Variants in LDHB observed in about 807,000 individuals in gnomAD.
LDHB encodes the protein lactate dehydrogenase B, also known as L-lactate dehydrogenase B chain.
A neutral mutation model predicts 33.4 loss-of-function variants in LDHB; 18 were observed. That is an observed-to-expected ratio of 0.54 (90% CI 0.37 to 0.80). LDHB has a LOEUF of 0.80. LDHB is among the 30% of genes least tolerant of loss of function. LDHB has a pLI of 0.00. For missense variants in LDHB, 345 were observed against 407.9 expected (o/e 0.85, Z 1.33); for synonymous variants, 121 against 140.6 (o/e 0.86, Z 0.98).
intron 1 of LDHB, among the ~76,000 whole-genome samples, chr12:21,656,297 A>C (rs1938843491): frequency 6.6e-6 from 1 of 152,224 alleles, no homozygotes; most frequent in South Asian, 2.1e-4. Context: ...TTTACAGATC[A>C]CATTTACAGT....
chr12:21,644,597 G>T (rs970499262), intron 3 of LDHB, among the ~76,000 whole-genome samples: 29 of 152,040 alleles, frequency 1.9e-4, no homozygotes, highest in African/African-American at 6.5e-4. Context: ...GCTTTTTAGC[G>T]CTGCAAGTTT....
At chr12:21,644,982 G>C (rs573693635) in intron 3 of LDHB, among the ~76,000 whole-genome samples, 23 of 152,266 alleles carry the variant, frequency 1.5e-4, no homozygotes, top group African/African-American at 5.5e-4. Context: ...TACTGTGTCT[G>C]TGTAGAAAGA....
At chr12:21,635,765 C>T in intron 7 of LDHB, 56 bp from the exon 8 acceptor site, 1 of 1,536,184 alleles carries the variant, frequency 6.5e-7, no homozygotes, top group South Asian at 1.1e-5. Flanking sequence ...TAAAAATGAT[C>T]AAAGACAGGA....
chr12:21,656,824 C>T (rs1236933610), intron 1 of LDHB, among the ~76,000 whole-genome samples: 1 of 152,110 alleles, frequency 6.6e-6, no homozygotes, highest in Non-Finnish European at 1.5e-5. Context: ...AGTCTTGGTC[C>T]CTTATGTCTC....
chr12:21,649,947 C>A (rs568419594), intron 2 of LDHB, among the ~76,000 whole-genome samples: 355 of 152,132 alleles, frequency 2.3e-3, no homozygotes, highest in African/African-American at 8.2e-3. Flanking sequence ...CAAAAATTAG[C>A]CGGGCATGGT....
chr12:21,641,983 T>C lies in LDHB; in HGVS notation c.564A>G (p.Gly188=). The stretch of plus-strand genomic sequence containing the variant: ...AGTCGCCATGTTCCCCCAAAATCCA[T>C]CCATGGCAGCTGCTGGGATGAATGC... The part of the protein sequence containing the change: ...KLGIHPSSCH[G]WILGEHGDSS... The change falls in exon 5 of 8, where the codon GGA becomes GGG. Residue 188 remains glycine (G), a synonymous_variant. Transcript: ENST00000350669. The C allele has an allele frequency of 6.2e-7, 1 of 1,613,476 alleles. No individual in the cohort carries two copies. The highest frequency in any genetic ancestry group is 8.5e-7 in the Non-Finnish European group (1 of 1,179,650).
chr12:21,650,105 TACACAC>T (rs765877721), intron 2 of LDHB, among the ~76,000 whole-genome samples: 3 of 31,008 alleles, frequency 9.7e-5, no homozygotes, highest in African/African-American at 2.3e-4. Context: ...AGAAAAAAAA[TACACAC>T]ACACACACAC....
At chr12:21,650,505 A>T (rs1938658425) in intron 2 of LDHB, among the ~76,000 whole-genome samples, 1 of 152,190 alleles carries the variant, frequency 6.6e-6, no homozygotes, top group Non-Finnish European at 1.5e-5. Context: ...ACTGAAGCAA[A>T]GATAAACACT....
At position 21,650,111 on chromosome 12, in the gene LDHB, C is replaced by T. The variant is rs1272871420; in HGVS notation, c.130-3095G>A. ...TCTCTCAAGAGAAAAAAAATACACACACACACACACACACACACACACACA... is the reference window on the plus strand; with the variant it reads ...TCTCTCAAGAGAAAAAAAATACACATACACACACACACACACACACACACA... On this transcript the variant is annotated intron_variant, in intron 2 of 7. Transcript: ENST00000350669. Among the ~76,000 whole-genome samples the T allele has an allele frequency of 3.1e-3, 196 of 62,830 alleles. 3 individuals carry two copies. Among genetic ancestry groups the T allele is most frequent in the African/African-American group, 8.7e-3 (161 of 18,562 alleles). The allele number at this position is 62,830 out of a possible 152,430, so 41.2% of individuals were successfully genotyped here.
chr12:21,635,895 GA>G (rs1169608251), intron 7 of LDHB, among the ~76,000 whole-genome samples, 186 bp from the exon 8 acceptor site: 1 of 152,050 alleles, frequency 6.6e-6, no homozygotes, highest in Non-Finnish European at 1.5e-5. Context: ...GGGGAAAAAA[GA>G]GAATAATCAA....
chr12:21,635,467 G>T lies in LDHB; in HGVS notation c.*75C>A. The stretch of plus-strand genomic sequence containing the variant: ...AAGATCAAAGCAAACTGTGATCCAT[G>T]TACATGGATGAAAACTAAAGGCTCG... On this transcript the variant is annotated 3_prime_UTR_variant, in exon 8 of 8. Coordinates refer to ENST00000350669, the MANE Select transcript of LDHB (RefSeq NM_002300.8). 8.2e-7 allele frequency: 1 copy of T among 1,212,736 alleles called. No individual in the cohort carries two copies. Among genetic ancestry groups the T allele is most frequent in the Non-Finnish European group, 1.2e-6 (1 of 816,566 alleles). The allele number at this position is 1,212,736 out of a possible 1,614,324, so 75.1% of individuals were successfully genotyped here. A position where few individuals can be genotyped will look rare whatever the true frequency, so the allele number is the denominator to read the frequency against.
intron 3 of LDHB, 95 bp downstream of exon 3, chr12:21,646,804 T>G (rs1938538925): frequency 3.8e-6 from 3 of 785,154 alleles, no homozygotes; most frequent in East Asian, 4.9e-5. Flanking sequence ...CTTTCCTACT[T>G]ACAAATAAAT....
At chr12:21,650,662 G>C (rs529180598) in intron 2 of LDHB, among the ~76,000 whole-genome samples, 1 of 152,324 alleles carries the variant, frequency 6.6e-6, no homozygotes, top group East Asian at 1.9e-4. Context: ...TGGGATAAAA[G>C]TAAAGTCTGG....
chr12:21,653,489 G>C (rs1026408357), intron 2 of LDHB, among the ~76,000 whole-genome samples: 7 of 152,134 alleles, frequency 4.6e-5, no homozygotes, highest in Non-Finnish European at 1.0e-4. Flanking sequence ...GTTGGGGACT[G>C]CTGCTCTAAA....
At chr12:21,657,292 C>G (rs1384555694) in intron 1 of LDHB, 1 of 152,230 alleles carries the variant, frequency 6.6e-6, no homozygotes, top group East Asian at 1.9e-4. Flanking sequence ...TTCTCCTCAT[C>G]CCAGCGAGTG....
chr12:21,649,324 A>G (rs1385014253), intron 2 of LDHB, among the ~76,000 whole-genome samples: 1 of 152,202 alleles, frequency 6.6e-6, no homozygotes, highest in African/African-American at 2.4e-5. Context: ...CACTTAAATA[A>G]TAATAATTGT....
At chr12:21,648,664 A>G (rs988636597) in intron 2 of LDHB, among the ~76,000 whole-genome samples, 1 of 152,230 alleles carries the variant, frequency 6.6e-6, no homozygotes, top group African/African-American at 2.4e-5. Flanking sequence ...GCTGGGAGAC[A>G]GTCAATAAGA....
intron 2 of LDHB, among the ~76,000 whole-genome samples, chr12:21,648,253 C>T (rs1053105422): frequency 3.3e-5 from 5 of 151,958 alleles, no homozygotes; most frequent in African/African-American, 1.2e-4. Flanking sequence ...GTTAAAAATG[C>T]CAATACAGTC....
Position 21,646,976 on chromosome 12 carries a change from T to C in LDHB, c.170A>G (p.Asp57Gly). The change falls in exon 3 of 8, where the codon GAT (aspartate) becomes GGT (glycine). Residue 57 changes from aspartate (D) to glycine (G), a missense_variant. Asp to Gly is a moderately conservative substitution (Grantham distance 94). Coordinates refer to ENST00000350669, the MANE Select transcript of LDHB (RefSeq NM_002300.8). ...ATCCATCATTTCTCCTTTAAGCTTATCTTCCAAAACATCCACAAGAGCAAG... is the reference window on the plus strand; with the variant it reads ...ATCCATCATTTCTCCTTTAAGCTTACCTTCCAAAACATCCACAAGAGCAAG... ...DELALVDVLE[D>G]KLKGEMMDLQ... The C allele has an allele frequency of 3.7e-6, 6 of 1,613,882 alleles. No individual in the cohort carries two copies. Among genetic ancestry groups the C allele is most frequent in the Non-Finnish European group, 5.1e-6 (6 of 1,179,842 alleles).
Sources: allele counts gnomAD v4.1 joint callset (sites outside exome capture counted in the v4.1 genomes callset), GRCh38; gene constraint gnomAD v4.1.1; transcripts MANE v1.5; gene names NCBI Gene and HGNC (gene_info 2026-07-23, HGNC 2026-07-21).